Variants in NAT2 observed in about 807,000 individuals in gnomAD.
NAT2 encodes the protein N-acetyltransferase 2.
For missense variants in NAT2, 428 were observed against 339.1 expected (o/e 1.26, Z -2.06); for synonymous variants, 137 against 125.9 (o/e 1.09, Z -0.59).
upstream of NAT2, among the ~76,000 whole-genome samples, chr8:18,390,607 A>G (rs1475493319): frequency 6.6e-6 from 1 of 152,034 alleles, no homozygotes; most frequent in Non-Finnish European, 1.5e-5. Context: ...TATTAATATT[A>G]ATGTAAATAA....
upstream of NAT2, among the ~76,000 whole-genome samples, chr8:18,390,565 C>G (rs1209458284): frequency 6.6e-6 from 1 of 151,634 alleles, no homozygotes; most frequent in East Asian, 1.9e-4. Flanking sequence ...TGTTATGTGT[C>G]AAAAAACATT....
intron 1 of NAT2, among the ~76,000 whole-genome samples, chr8:18,395,077 T>G (rs560673859): frequency 5.3e-5 from 8 of 152,218 alleles, no homozygotes; most frequent in Non-Finnish European, 1.2e-4. Flanking sequence ...AGTCTTCTAT[T>G]ATTTCAGTCC....
chr8:18,395,826 TAACTC>T (rs939460886), intron 1 of NAT2, among the ~76,000 whole-genome samples: 128 of 152,272 alleles, frequency 8.4e-4, no homozygotes, highest in African/African-American at 3.0e-3. Flanking sequence ...GGCAAAGTGA[TAACTC>T]AAAGATTTCA....
chr8:18,397,538 C>A (rs45527732), intron 1 of NAT2, among the ~76,000 whole-genome samples: 8,640 of 152,064 alleles, frequency 0.057, 795 homozygotes, highest in African/African-American at 0.2. Context: ...TAATCAAATT[C>A]ATAAAAGAAA....
intron 1 of NAT2, among the ~76,000 whole-genome samples, chr8:18,395,972 G>A (rs79533018): frequency 0.11 from 14,436 of 129,148 alleles, 897 homozygotes; most frequent in East Asian, 0.2. Flanking sequence ...TTTTTTTGCA[G>A]TTTTCTCAAA....
intron 1 of NAT2, among the ~76,000 whole-genome samples, chr8:18,396,419 T>TA (rs1408857764): frequency 2.0e-5 from 3 of 152,308 alleles, no homozygotes; most frequent in African/African-American, 4.8e-5. Flanking sequence ...CTTTAAAATC[T>TA]AAAAAATTTT....
chr8:18,390,864 AAGAG>A (rs1426644302), upstream of NAT2, among the ~76,000 whole-genome samples: 5 of 152,174 alleles, frequency 3.3e-5, no homozygotes, highest in African/African-American at 9.7e-5. Context: ...GCAGAAGAAA[AAGAG>A]AGGCCTTATA....
In NAT2 at chr8:18,400,246, A is replaced by T. The variant is rs758016738; in HGVS notation, c.243A>T (p.Thr81=). The change falls in exon 2 of 2, where the codon ACA becomes ACT. Residue 81 remains threonine, a synonymous_variant. Transcript: ENST00000286479. ...VNQLLYWALT[T]IGFQTTMLGG... ...AACTTCTGTACTGGGCTCTGACCACAATCGGTTTTCAGACCACAATGTTAG... is the reference window on the plus strand; with the variant it reads ...AACTTCTGTACTGGGCTCTGACCACTATCGGTTTTCAGACCACAATGTTAG... 6.2e-7 allele frequency: 1 copy of T among 1,612,590 alleles called. No individual in the cohort carries two copies. The highest frequency in any genetic ancestry group is 1.1e-5 in the South Asian group (1 of 90,920).
intron 1 of NAT2, 33 bp from the exon 2 acceptor site, chr8:18,399,965 G>C: frequency 1.3e-6 from 2 of 1,526,174 alleles, no homozygotes; most frequent in Non-Finnish European, 1.8e-6. Context: ...GCTAAAGTAT[G>C]ATATGTTTTT....
chr8:18,395,501 C>G (rs920821355), intron 1 of NAT2, among the ~76,000 whole-genome samples: 6 of 152,056 alleles, frequency 3.9e-5, no homozygotes, highest in African/African-American at 1.4e-4. Flanking sequence ...AAGTTGAACA[C>G]CATTTCATAT....
chr8:18,399,603 C>T (rs897182258), intron 1 of NAT2, among the ~76,000 whole-genome samples: 2 of 152,130 alleles, frequency 1.3e-5, no homozygotes. Context: ...ATACCATATA[C>T]TCTACTGTAT....
chr8:18,400,247 A>G lies in NAT2; in HGVS notation c.244A>G (p.Ile82Val). 5 of 1,612,580 alleles carry G rather than the reference A, an allele frequency of 3.1e-6. No homozygotes were observed. The highest frequency in any genetic ancestry group is 1.7e-5 in the Admixed American group (1 of 59,882). ...NQLLYWALTT[I>V]GFQTTMLGGY... Reference sequence around the variant, plus strand: ...ACTTCTGTACTGGGCTCTGACCACAATCGGTTTTCAGACCACAATGTTAGG... The same window carrying G: ...ACTTCTGTACTGGGCTCTGACCACAGTCGGTTTTCAGACCACAATGTTAGG... The change falls in exon 2 of 2, where the codon ATC (isoleucine) becomes GTC (valine). Residue 82 changes from isoleucine to valine, a missense_variant. Coordinates refer to ENST00000286479, the MANE Select transcript of NAT2 (RefSeq NM_000015.3).
In NAT2 at chr8:18,400,193, C is replaced by T. The variant is rs1805158; in HGVS notation, c.190C>T (p.Arg64Trp). The change falls in exon 2 of 2, where the codon CGG becomes TGG. Residue 64 changes from arginine (R) to tryptophan (W), a missense_variant. Coordinates refer to ENST00000286479, the MANE Select transcript of NAT2 (RefSeq NM_000015.3). ...TTTTGATCACATTGTAAGAAGAAAC[C>T]GGGGTGGGTGGTGTCTCCAGGTCAA... Reference protein sequence around the residue: ...AIFDHIVRRNRGGWCLQVNQL... With the variant: ...AIFDHIVRRNWGGWCLQVNQL... The T allele has an allele frequency of 1.1e-4, 179 of 1,612,994 alleles. 2 individuals carry two copies. The highest frequency in any genetic ancestry group is 9.8e-4 in the East Asian group (44 of 44,868).
At chr8:18,387,258 G>GCGC (rs531786575), upstream of NAT2, 3,543 of 153,382 alleles carry the variant, frequency 0.023, 66 homozygotes, top group Non-Finnish European at 0.031. Context: ...CCCGCTGGCG[G>GCGC]CGCCGCCGCC....
chr8:18,389,493 C>T (rs1800559937), upstream of NAT2, among the ~76,000 whole-genome samples: 1 of 152,206 alleles, frequency 6.6e-6, no homozygotes, highest in African/African-American at 2.4e-5. Flanking sequence ...CACCCGTATT[C>T]ACTGGGAATC....
Position 18,400,349 on chromosome 8 carries a change from G to A in NAT2, c.346G>A (p.Gly116Ser), listed in dbSNP as rs183409091. 18 of 1,612,976 alleles carry A rather than the reference G, an allele frequency of 1.1e-5. No homozygotes were observed. Among genetic ancestry groups the A allele is most frequent in the Admixed American group, 1.0e-4 (6 of 59,892 alleles). The change falls in exon 2 of 2, where the codon GGC becomes AGC. Residue 116 changes from glycine (G) to serine (S), a missense_variant. By Grantham distance (56) the Gly-to-Ser change is moderately conservative. Transcript: ENST00000286479. ...VHLLLQVTID[G>S]RNYIVDAGSG... is the part of the protein sequence containing the mutation. Reference sequence around the variant, plus strand: ...CCTTCTCCTGCAGGTGACCATTGACGGCAGGAATTACATTGTCGATGCTGG... The same window carrying A: ...CCTTCTCCTGCAGGTGACCATTGACAGCAGGAATTACATTGTCGATGCTGG...
chr8:18,400,320 T>G lies in NAT2; in HGVS notation c.317T>G (p.Val106Gly). The G allele has an allele frequency of 6.2e-7, 1 of 1,613,724 alleles. No individual in the cohort carries two copies. The highest frequency in any genetic ancestry group is 1.1e-5 in the South Asian group (1 of 91,016). The change falls in exon 2 of 2, where the codon GTT (valine) becomes GGT (glycine). Residue 106 changes from valine (V) to glycine (G), a missense_variant. Coordinates refer to ENST00000286479, the MANE Select transcript of NAT2 (RefSeq NM_000015.3). ...PPVNKYSTGM[V>G]HLLLQVTIDG... is the part of the protein sequence containing the mutation. ...GTTAACAAATACAGCACTGGCATGG[T>G]TCACCTTCTCCTGCAGGTGACCATT...
At chr8:18,392,319 A>C (rs1027166411) in intron 1 of NAT2, among the ~76,000 whole-genome samples, 7 of 152,190 alleles carry the variant, frequency 4.6e-5, no homozygotes, top group Non-Finnish European at 2.9e-5. Flanking sequence ...GCTGAGGAGC[A>C]AGGAAGCCAG....
At chr8:18,388,937 A>C (rs1159394603), upstream of NAT2, among the ~76,000 whole-genome samples, 1 of 152,274 alleles carries the variant, frequency 6.6e-6, no homozygotes. Flanking sequence ...CTTGATGACC[A>C]CCCTGTGGGA....
Sources: gnomAD v4.1 joint callset for allele counts (sites outside exome capture counted in the v4.1 genomes callset) on GRCh38, gnomAD v4.1.1 for gene constraint, MANE v1.5 for transcripts, NCBI Gene and HGNC (gene_info 2026-07-23, HGNC 2026-07-21) for gene names.